Variants in SMIM17 observed in about 807,000 individuals in gnomAD.
The protein encoded by SMIM17 is small integral membrane protein 17.
SMIM17 carries 10 observed loss-of-function variants against 12.2 expected under a neutral mutation model. The ratio of observed to expected loss-of-function variants is 0.82; its 90% CI spans 0.50 to 1.39. The LOEUF (loss-of-function observed/expected upper bound fraction) is 1.39, where lower values mean the gene tolerates loss of function less well. Ranked by LOEUF, SMIM17 falls within the 40% of genes most tolerant of loss-of-function variation. The probability of loss-of-function intolerance (pLI) is 0.00; values close to 1 mark genes in which losing one functional copy is unlikely to be tolerated. For missense variants in SMIM17, 136 were observed against 118.2 expected (o/e 1.15, Z -0.70); for synonymous variants, 50 against 44.1 (o/e 1.13, Z -0.53).
At chr19:56,654,333 G>A (rs1443524843) in intron 3 of SMIM17, among the ~76,000 whole-genome samples, 1 of 152,250 alleles carries the variant, frequency 6.6e-6, no homozygotes, top group African/African-American at 2.4e-5. Context: ...GGAAGTGACT[G>A]TGGCTGGAAC....
chr19:56,645,648 C>G lies in SMIM17; in HGVS notation c.-20C>G. On this transcript the variant is annotated 5_prime_UTR_variant, in exon 2 of 4. Transcript: ENST00000598409. ...GAGAAAGAGAAGCTTGTCTCAGAAG[C>G]TCCACCTCCTCCTGGGGCAATGCAG... is the stretch of plus-strand genomic sequence containing the variant. 2 of 1,460,644 alleles carry G rather than the reference C, an allele frequency of 1.4e-6. No individual in the cohort carries two copies. Among genetic ancestry groups the G allele is most frequent in the Non-Finnish European group, 1.8e-6 (2 of 1,111,186 alleles). The allele number at this position is 1,460,644 out of a possible 1,614,324, so 90.5% of individuals were successfully genotyped here. A position where few individuals can be genotyped will look rare whatever the true frequency, so the allele number is the denominator to read the frequency against.
At chr19:56,650,680 G>A (rs2045102243) in intron 3 of SMIM17, among the ~76,000 whole-genome samples, 1 of 152,172 alleles carries the variant, frequency 6.6e-6, no homozygotes, top group Non-Finnish European at 1.5e-5. Flanking sequence ...GGCTTGGAGG[G>A]GAGGATAGGA....
In SMIM17 at chr19:56,645,700, G is replaced by T. The variant is rs1041035188; in HGVS notation, c.33G>T (p.Gly11=). The T allele has an allele frequency of 3.3e-6, 5 of 1,534,658 alleles. No homozygotes were observed. The highest frequency in any genetic ancestry group is 3.5e-6 in the Non-Finnish European group (4 of 1,146,562). The change falls in exon 2 of 4, where the codon GGG becomes GGT. Residue 11 remains glycine (G), a synonymous_variant. Coordinates refer to ENST00000598409, the MANE Select transcript of SMIM17 (RefSeq NM_001193628.2). ...GTCTCAGGCCTGAGCAGACACGGGGGCTGCTGGAGCCTGAGAGGACCAAGA... is the reference window on the plus strand; with the variant it reads ...GTCTCAGGCCTGAGCAGACACGGGGTCTGCTGGAGCCTGAGAGGACCAAGA... The part of the protein sequence containing the change: MQSLRPEQTR[G]LLEPERTKTL...
At chr19:56,644,697 C>T (rs946349623) in intron 1 of SMIM17, among the ~76,000 whole-genome samples, 1 of 152,172 alleles carries the variant, frequency 6.6e-6, no homozygotes. Flanking sequence ...GTGCTCCTTA[C>T]AATAGAGAAG....
At chr19:56,645,887 G>T in intron 2 of SMIM17, 51 bp downstream of exon 2, 1 of 1,481,500 alleles carries the variant, frequency 6.7e-7, no homozygotes, top group African/African-American at 1.4e-5. Flanking sequence ...GGAAGGAATT[G>T]GCAGAGCCTA....
At chr19:56,653,326 A>C (rs1397727939) in intron 3 of SMIM17, among the ~76,000 whole-genome samples, 1 of 152,240 alleles carries the variant, frequency 6.6e-6, no homozygotes, top group African/African-American at 2.4e-5. Flanking sequence ...AATTATGGCA[A>C]AATTGTTATT....
At chr19:56,651,862 G>A (rs1261348351) in intron 3 of SMIM17, among the ~76,000 whole-genome samples, 1 of 152,138 alleles carries the variant, frequency 6.6e-6, no homozygotes, top group South Asian at 2.1e-4. Context: ...GCAGCACTTT[G>A]GGAGGCAGAG....
chr19:56,645,928 A>C, intron 2 of SMIM17, 92 bp downstream of exon 2: 5 of 1,326,908 alleles, frequency 3.8e-6, no homozygotes, highest in Non-Finnish European at 5.0e-6. Context: ...TCCTTCACTC[A>C]TCCATTCAAC....
intron 2 of SMIM17, 51 bp from the exon 3 acceptor site, chr19:56,647,507 T>A (rs1231050596): frequency 4.3e-6 from 6 of 1,392,668 alleles, no homozygotes; most frequent in Non-Finnish European, 5.8e-6. Context: ...ACTCCTGCCA[T>A]CTGGCCACTC....
In SMIM17 at chr19:56,656,172, C is replaced by T. The variant is rs1027404728; in HGVS notation, c.*959C>T. Among the ~76,000 whole-genome samples the T allele has an allele frequency of 5.9e-5, 9 of 152,022 alleles. No individual in the cohort carries two copies. Among genetic ancestry groups the T allele is most frequent in the Middle Eastern group, 3.2e-3 (1 of 316 alleles). On this transcript the variant is annotated 3_prime_UTR_variant, in exon 4 of 4. Transcript: ENST00000598409. Reference sequence around the variant, plus strand: ...TGTTAGCCAGGATGGTCTCGATCTCCTGACCTCGTGATCCGCCCGCCTTGG... The same window carrying T: ...TGTTAGCCAGGATGGTCTCGATCTCTTGACCTCGTGATCCGCCCGCCTTGG...
chr19:56,651,257 C>T (rs1354992989), intron 3 of SMIM17, among the ~76,000 whole-genome samples: 2 of 152,034 alleles, frequency 1.3e-5, no homozygotes, highest in African/African-American at 2.4e-5. Flanking sequence ...TGTGACTTTC[C>T]CTTGTCATGC....
chr19:56,647,467 A>G, intron 2 of SMIM17, 91 bp from the exon 3 acceptor site: 1 of 868,404 alleles, frequency 1.2e-6, no homozygotes, highest in South Asian at 1.7e-5. Context: ...TATTACTAGA[A>G]AAGGGACAAG....
chr19:56,653,469 T>G (rs2045125300), intron 3 of SMIM17, among the ~76,000 whole-genome samples: 1 of 152,214 alleles, frequency 6.6e-6, no homozygotes, highest in Non-Finnish European at 1.5e-5. Context: ...GTCAGACCCA[T>G]TTCCTTGGGT....
rs137882613 is a variant in SMIM17, at chr19:56,646,349, T to C, written c.169+513T>C. Among the ~76,000 whole-genome samples the C allele has an allele frequency of 2.7e-3, 414 of 152,304 alleles. 1 individual carries two copies. The highest frequency in any genetic ancestry group is 9.2e-3 in the African/African-American group (382 of 41,568). On this transcript the variant is annotated intron_variant, in intron 2 of 3. Coordinates refer to ENST00000598409, the MANE Select transcript of SMIM17 (RefSeq NM_001193628.2). ...CATGATCTCATTTGCATTTCAAAAA[T>C]ATTCCTCTAACTCAGTGGATTTCAA... is the stretch of plus-strand genomic sequence containing the variant.
At chr19:56,651,775 T>C (rs1236920964) in intron 3 of SMIM17, among the ~76,000 whole-genome samples, 2 of 152,076 alleles carry the variant, frequency 1.3e-5, no homozygotes, top group African/African-American at 4.8e-5. Context: ...CTAGGATGTG[T>C]GCAACCTCCC....
rs370486867 is a variant in SMIM17, at chr19:56,647,961, T to G, written c.246+327T>G. ...TTCCAATCACTCATCCATTCATTCA[T>G]CCACCTCTCAAACATCTACTAGCCA... On this transcript the variant is annotated intron_variant, in intron 3 of 3. Coordinates refer to ENST00000598409, the MANE Select transcript of SMIM17 (RefSeq NM_001193628.2). 3.3e-5 allele frequency among the ~76,000 whole-genome samples: 5 copies of G among 151,872 alleles called. No homozygotes were observed. In the East Asian group the frequency reaches 9.7e-4, roughly 29 times the overall value.
At chr19:56,643,505 G>A (rs144185749) in intron 1 of SMIM17, among the ~76,000 whole-genome samples, 339 of 152,266 alleles carry the variant, frequency 2.2e-3, no homozygotes, top group African/African-American at 7.8e-3. Flanking sequence ...GTGAGGAGGG[G>A]AGCACAGACC....
chr19:56,647,386 T>TGA (rs2045071596), intron 2 of SMIM17, among the ~76,000 whole-genome samples, 172 bp from the exon 3 acceptor site: 1 of 147,858 alleles, frequency 6.8e-6, no homozygotes, highest in Non-Finnish European at 1.5e-5. Flanking sequence ...TGTGTGTTTG[T>TGA]GTGTGTGTGA....
intron 1 of SMIM17, among the ~76,000 whole-genome samples, chr19:56,643,459 C>G (rs2045039291): frequency 1.3e-5 from 2 of 152,138 alleles, no homozygotes. Context: ...GGTCTGTGTC[C>G]TGGCTTGGGG....
Sources: gnomAD v4.1 joint callset for allele counts (sites outside exome capture counted in the v4.1 genomes callset) on GRCh38, gnomAD v4.1.1 for gene constraint, MANE v1.5 for transcripts, NCBI Gene and HGNC (gene_info 2026-07-23, HGNC 2026-07-21) for gene names.